The following FOXP2 variants were observed in gnomAD, a reference collection of about 807,000 sequenced individuals.
The protein encoded by FOXP2 is forkhead box P2, also known as forkhead box protein P2.
Under a neutral mutation model 115.8 loss-of-function variants are expected in FOXP2, and 12 were observed. The ratio of observed to expected loss-of-function variants is 0.10; its 90% CI spans 0.07 to 0.17. The LOEUF (loss-of-function observed/expected upper bound fraction) is 0.17, where lower values mean the gene tolerates loss of function less well. Ranked by LOEUF, FOXP2 falls within the 10% of genes least tolerant of loss-of-function variation. FOXP2 has a pLI of 1.00. For missense variants in FOXP2, 629 were observed against 843.5 expected, an observed-to-expected ratio of 0.75 and a Z score of 3.15; for synonymous variants, 328 against 297.7, an observed-to-expected ratio of 1.10 and a Z score of -1.05.
intron 2 of FOXP2, among the ~76,000 whole-genome samples, chr7:114,465,808 C>G (rs879203815): frequency 2.6e-5 from 4 of 152,134 alleles, no homozygotes; most frequent in Admixed American, 2.0e-4. Context: ...CATTTTTACC[C>G]TCTTCTCTTC....
At chr7:114,675,831 CTT>C (rs1376399422) in intron 16 of FOXP2, among the ~76,000 whole-genome samples, 4 of 151,784 alleles carry the variant, frequency 2.6e-5, no homozygotes, top group African/African-American at 9.7e-5. Context: ...TTAATTAACA[CTT>C]AGGACATAAC....
chr7:114,098,495 G>A lies in FOXP2; in HGVS notation c.-247+10657G>A, dbSNP rs922784393. 3.3e-5 allele frequency among the ~76,000 whole-genome samples: 5 copies of A among 152,198 alleles called. No homozygotes were observed. The East Asian group carries it at 9.7e-4, about 29-fold the overall frequency. On this transcript the variant is annotated intron_variant, in intron 1 of 19. Coordinates refer to the FOXP2 transcript ENST00000635638. Reference sequence around the variant, plus strand: ...GGAAAGTATAATCTCTTCAATAAACGGTGCTGGGAAAACTGGATTTCTGCA... The same window carrying A: ...GGAAAGTATAATCTCTTCAATAAACAGTGCTGGGAAAACTGGATTTCTGCA...
intron 2 of FOXP2, among the ~76,000 whole-genome samples, chr7:114,356,073 T>C (rs369476423): frequency 2.6e-5 from 4 of 152,178 alleles, no homozygotes; most frequent in East Asian, 1.9e-4. Context: ...CCCAAGTGCC[T>C]CCTTTGAATT....
At chr7:114,354,149 C>T (rs993661025) in intron 2 of FOXP2, among the ~76,000 whole-genome samples, 18 of 152,068 alleles carry the variant, frequency 1.2e-4, no homozygotes, top group African/African-American at 4.3e-4. Context: ...CTGTTTGAGA[C>T]ATCTATCTTC....
intron 2 of FOXP2, among the ~76,000 whole-genome samples, chr7:114,451,566 T>A (rs1795074502): frequency 6.6e-6 from 1 of 152,040 alleles, no homozygotes; most frequent in Non-Finnish European, 1.5e-5. Flanking sequence ...TCATCCTTCC[T>A]TCACTTATTC....
intron 2 of FOXP2, among the ~76,000 whole-genome samples, chr7:114,353,481 C>T (rs1791544179): frequency 6.6e-6 from 1 of 151,766 alleles, no homozygotes; most frequent in African/African-American, 2.4e-5. Context: ...CCAGTAGTGA[C>T]AGTGCCAACC....
intron 2 of FOXP2, among the ~76,000 whole-genome samples, chr7:114,329,663 TATTTATTTATTTATTTA>T (rs1263810367): frequency 1.3e-4 from 5 of 40,000 alleles, no homozygotes; most frequent in Non-Finnish European, 1.7e-4. Context: ...TTTATTTATT[TATTTATTTATTTATTTA>T]TTTATTTATT....
upstream of FOXP2, among the ~76,000 whole-genome samples, chr7:114,162,490 C>T (rs1792867544): frequency 6.6e-6 from 1 of 151,464 alleles, no homozygotes; most frequent in African/African-American, 2.4e-5. Context: ...TTTATTATTC[C>T]ATTAAAATTT....
intron 1 of FOXP2, among the ~76,000 whole-genome samples, chr7:114,279,921 G>C (rs1414845621): frequency 6.6e-6 from 1 of 151,814 alleles, no homozygotes; most frequent in Non-Finnish European, 1.5e-5. Context: ...TTTTTTTAAG[G>C]CTTAGGCATC....
intron 1 of FOXP2, among the ~76,000 whole-genome samples, chr7:114,265,024 C>T (rs576326972): frequency 6.6e-6 from 1 of 152,244 alleles, no homozygotes; most frequent in Admixed American, 6.5e-5. Flanking sequence ...GAGATTTGGG[C>T]AGGGCATCCA....
intron 16 of FOXP2, 43 bp downstream of exon 16, chr7:114,664,479 T>G: frequency 6.2e-7 from 1 of 1,606,802 alleles, no homozygotes; most frequent in Non-Finnish European, 8.5e-7. Flanking sequence ...GAATCTATAT[T>G]AATATGCTTC....
chr7:114,175,088 G>A (rs1017263267), intron 1 of FOXP2, among the ~76,000 whole-genome samples: 2 of 151,866 alleles, frequency 1.3e-5, no homozygotes, highest in Admixed American at 1.3e-4. Flanking sequence ...ATCAAGCTAA[G>A]TATTTATTAC....
intron 2 of FOXP2, among the ~76,000 whole-genome samples, chr7:114,451,861 C>G (rs765258666): frequency 6.6e-6 from 1 of 151,930 alleles, no homozygotes; most frequent in Non-Finnish European, 1.5e-5. Context: ...TAGCCAGGAG[C>G]AAAATTGTAG....
intron 1 of FOXP2, among the ~76,000 whole-genome samples, chr7:114,226,034 T>C (rs1794738827): frequency 6.6e-6 from 1 of 152,168 alleles, no homozygotes; most frequent in African/African-American, 2.4e-5. Flanking sequence ...GTGGTTGTCA[T>C]AGAACACAAT....
At chr7:114,412,704 T>C (rs989716732), upstream of FOXP2, among the ~76,000 whole-genome samples, 7 of 152,136 alleles carry the variant, frequency 4.6e-5, no homozygotes, top group African/African-American at 1.4e-4. Context: ...TGTGTGAAAC[T>C]GTTGCCTACA....
chr7:114,341,216 A>G (rs1230774743), intron 2 of FOXP2, among the ~76,000 whole-genome samples: 4 of 151,252 alleles, frequency 2.6e-5, no homozygotes, highest in Admixed American at 6.6e-5. Context: ...AGCAGCAGCC[A>G]AGATATTAAT....
intron 3 of FOXP2, among the ~76,000 whole-genome samples, chr7:114,568,801 T>G (rs985460719): frequency 3.3e-5 from 5 of 151,970 alleles, no homozygotes; most frequent in African/African-American, 1.2e-4. Context: ...TTATTTATTT[T>G]TATTACTGTA....
At chr7:114,493,516 G>A (rs1797166199) in intron 2 of FOXP2, among the ~76,000 whole-genome samples, 1 of 152,134 alleles carries the variant, frequency 6.6e-6, no homozygotes, top group African/African-American at 2.4e-5. Flanking sequence ...TCACTCAATA[G>A]TGCTGTGCTC....
intron 3 of FOXP2, among the ~76,000 whole-genome samples, chr7:114,623,401 G>A (rs1037876401): frequency 6.6e-6 from 1 of 151,836 alleles, no homozygotes; most frequent in East Asian, 1.9e-4. Context: ...CCATGCAAAT[G>A]TTTCAGCTAA....
Sources: gnomAD v4.1 joint callset for allele counts (sites outside exome capture counted in the v4.1 genomes callset) on GRCh38, gnomAD v4.1.1 for gene constraint, MANE v1.5 for transcripts, NCBI Gene and HGNC (gene_info 2026-07-23, HGNC 2026-07-21) for gene names.